Variants in B3GALT1 observed in about 807,000 individuals in gnomAD.
B3GALT1 encodes the protein beta-1,3-galactosyltransferase 1.
In B3GALT1, 10 loss-of-function variants were observed where a neutral mutation model predicts 23.2. The observed-to-expected ratio is 0.43, with a 90% CI of 0.27 to 0.73. B3GALT1 has a LOEUF of 0.73. B3GALT1 is among the 30% of genes least tolerant of loss of function. B3GALT1 has a pLI of 0.21. For missense variants in B3GALT1, 299 were observed against 405.4 expected, an observed-to-expected ratio of 0.74 and a Z score of 2.25; for synonymous variants, 156 against 141.5, an observed-to-expected ratio of 1.10 and a Z score of -0.73.
chr2:167,481,677 C>G (rs1016727034), intron 1 of B3GALT1, among the ~76,000 whole-genome samples: 2 of 152,178 alleles, frequency 1.3e-5, no homozygotes, highest in South Asian at 4.1e-4. Context: ...CTGAGAATTC[C>G]TCTCTGACCA....
intron 2 of B3GALT1, among the ~76,000 whole-genome samples, chr2:167,609,096 A>G (rs1179833601): frequency 6.6e-6 from 1 of 152,128 alleles, no homozygotes; most frequent in African/African-American, 2.4e-5. Context: ...ACTTACTTAT[A>G]TTTATAACCT....
chr2:167,577,364 CT>C (rs1319491611), intron 2 of B3GALT1, among the ~76,000 whole-genome samples: 5 of 151,948 alleles, frequency 3.3e-5, no homozygotes, highest in Admixed American at 3.3e-4. Context: ...GAAAAAGTCC[CT>C]TCTTTGTGCC....
chr2:167,651,536 A>T (rs559070552), intron 3 of B3GALT1, among the ~76,000 whole-genome samples: 1 of 152,294 alleles, frequency 6.6e-6, no homozygotes, highest in East Asian at 1.9e-4. Context: ...GTGCTGAGAT[A>T]ACCACACACA....
At chr2:167,564,194 C>T (rs1311412426) in intron 2 of B3GALT1, among the ~76,000 whole-genome samples, 1 of 150,926 alleles carries the variant, frequency 6.6e-6, no homozygotes, top group Non-Finnish European at 1.5e-5. Context: ...GACGGGGCGG[C>T]CGGGCAGAGA....
Position 167,545,023 on chromosome 2 carries a change from C to CTTTTTTTTT in B3GALT1, c.-410+54769_-410+54777dup, listed in dbSNP as rs869066627. 1.5e-3 allele frequency among the ~76,000 whole-genome samples: 82 copies of CTTTTTTTTT among 54,284 alleles called. 20 individuals carry two copies. The highest frequency in any genetic ancestry group is 0.022 in the Middle Eastern group (1 of 46). 35.6% of individuals were successfully genotyped at this position (54,284 alleles called of 152,430 possible). A position where few individuals can be genotyped will look rare whatever the true frequency, so the allele number is the denominator to read the frequency against. On this transcript the variant is annotated intron_variant, in intron 2 of 4. Coordinates refer to ENST00000392690, the MANE Select transcript of B3GALT1 (RefSeq NM_020981.4). The stretch of plus-strand genomic sequence containing the variant: ...GGAAGGCCGCTTTTGGCTTGGGTGT[C>CTTTTTTTTT]TTTTTTTTTTTTTTTTTTTTTTTTT...
Position 167,633,411 on chromosome 2 carries a change from A to G in B3GALT1, c.-409-13498A>G, listed in dbSNP as rs568043722. On this transcript the variant is annotated intron_variant, in intron 2 of 4. Coordinates refer to ENST00000392690, the MANE Select transcript of B3GALT1 (RefSeq NM_020981.4). ...CAAGACCTTTGAATGTGCTGTATTC[A>G]GGAGACCCATCTCACATACAAAGAT... Among the ~76,000 whole-genome samples the G allele has an allele frequency of 2.0e-5, 3 of 152,046 alleles. No homozygotes were observed. In the South Asian group the frequency reaches 6.2e-4, roughly 32 times the overall value.
chr2:167,674,942 AT>A (rs1171861241), intron 3 of B3GALT1, among the ~76,000 whole-genome samples: 1 of 152,172 alleles, frequency 6.6e-6, no homozygotes, highest in Non-Finnish European at 1.5e-5. Context: ...TTCTGAAATT[AT>A]TTTTGACTGG....
At chr2:167,438,574 A>G (rs1402196806) in intron 1 of B3GALT1, among the ~76,000 whole-genome samples, 1 of 152,196 alleles carries the variant, frequency 6.6e-6, no homozygotes, top group African/African-American at 2.4e-5. Flanking sequence ...AATTGCTGAG[A>G]ACCAAAATCT....
At chr2:167,585,253 T>C (rs554444668) in intron 2 of B3GALT1, among the ~76,000 whole-genome samples, 3 of 152,346 alleles carry the variant, frequency 2.0e-5, no homozygotes, top group South Asian at 2.1e-4. Flanking sequence ...GTCATGGTTC[T>C]AAGCAAACCG....
chr2:167,437,371 G>GTT (rs1281226890), intron 1 of B3GALT1, among the ~76,000 whole-genome samples: 4 of 152,188 alleles, frequency 2.6e-5, no homozygotes, highest in Non-Finnish European at 5.9e-5. Flanking sequence ...TTGTCTTTAA[G>GTT]TTATGCTTCC....
chr2:167,802,444 A>G (rs1056240026), intron 3 of B3GALT1, among the ~76,000 whole-genome samples: 1 of 152,194 alleles, frequency 6.6e-6, no homozygotes, highest in Non-Finnish European at 1.5e-5. Flanking sequence ...ATTTGAATGC[A>G]TGATTGTTGT....
intron 2 of B3GALT1, among the ~76,000 whole-genome samples, chr2:167,610,150 G>A (rs1390657992): frequency 1.3e-5 from 2 of 152,108 alleles, no homozygotes; most frequent in Non-Finnish European, 2.9e-5. Context: ...GATTTAGGAT[G>A]AAGGTTAGTC....
intron 1 of B3GALT1, among the ~76,000 whole-genome samples, chr2:167,448,089 G>A (rs1182893997): frequency 6.6e-6 from 1 of 152,202 alleles, no homozygotes; most frequent in Non-Finnish European, 1.5e-5. Context: ...AAACATGTGT[G>A]TGGAAGTATC....
intron 1 of B3GALT1, among the ~76,000 whole-genome samples, chr2:167,443,180 G>A (rs1698922472): frequency 6.6e-6 from 1 of 151,784 alleles, no homozygotes; most frequent in South Asian, 2.1e-4. Context: ...AGATCAGATA[G>A]TTGTAGATAT....
In B3GALT1 at chr2:167,369,063, G is replaced by T. The variant is rs1008300029; in HGVS notation, c.-511+75729G>T. ...TATTGGGAAGATAAAACTCTTATTT[G>T]TGTGTGTGTGTGTGTGTGTGTGTGT... On this transcript the variant is annotated intron_variant, in intron 1 of 4. Coordinates refer to ENST00000392690, the MANE Select transcript of B3GALT1 (RefSeq NM_020981.4). Among the ~76,000 whole-genome samples the T allele has an allele frequency of 8.3e-3, 47 of 5,678 alleles. No homozygotes were observed. In the East Asian group the frequency reaches 0.39, roughly 47 times the overall value. The allele number at this position is 5,678 out of a possible 152,430, so 3.7% of individuals were successfully genotyped here.
chr2:167,712,966 G>A (rs1408046208), intron 3 of B3GALT1, among the ~76,000 whole-genome samples: 1 of 152,172 alleles, frequency 6.6e-6, no homozygotes, highest in African/African-American at 2.4e-5. Flanking sequence ...TGAAATCAGT[G>A]ACCATTTTGG....
intron 2 of B3GALT1, among the ~76,000 whole-genome samples, chr2:167,506,482 G>A (rs995574142): frequency 2.6e-5 from 4 of 152,216 alleles, no homozygotes; most frequent in Non-Finnish European, 5.9e-5. Flanking sequence ...AGGGAAAAGT[G>A]TTATGTAGGA....
chr2:167,752,684 TTA>T (rs543613045), intron 3 of B3GALT1, among the ~76,000 whole-genome samples: 158 of 146,364 alleles, frequency 1.1e-3, no homozygotes, highest in African/African-American at 3.8e-3. Context: ...TTCTTAGAAA[TTA>T]ACATCTCCTA....
At chr2:167,405,967 C>T (rs1698268031) in intron 1 of B3GALT1, among the ~76,000 whole-genome samples, 1 of 151,182 alleles carries the variant, frequency 6.6e-6, no homozygotes, top group Admixed American at 6.6e-5. Flanking sequence ...AATAAAAGAC[C>T]AGAGAGAAAT....
Sources: gnomAD v4.1 joint callset for allele counts (sites outside exome capture counted in the v4.1 genomes callset) on GRCh38, gnomAD v4.1.1 for gene constraint, MANE v1.5 for transcripts, NCBI Gene and HGNC (gene_info 2026-07-23, HGNC 2026-07-21) for gene names.